Variants in SNTG1 observed in about 807,000 individuals in gnomAD.
The protein encoded by SNTG1 is syntrophin gamma 1.
In SNTG1, 39 loss-of-function variants were observed where a neutral mutation model predicts 74.7. That is an observed-to-expected ratio of 0.52 (90% CI 0.40 to 0.68). The LOEUF is 0.68. Ranked by LOEUF, SNTG1 falls within the 30% of genes least tolerant of loss-of-function variation. The pLI is 0.00. For synonymous variants in SNTG1, 254 were observed against 217.1 expected, an observed-to-expected ratio of 1.17 and a Z score of -1.49; for missense variants, 685 against 609.5, an observed-to-expected ratio of 1.12 and a Z score of -1.30.
intron 17 of SNTG1, among the ~76,000 whole-genome samples, chr8:50,750,724 G>A (rs35417945): frequency 0.21 from 31,559 of 151,738 alleles, 3,398 homozygotes; most frequent in South Asian, 0.31. Context: ...TTTTAATTAA[G>A]GTATATACAT....
chr8:50,649,245 C>T (rs1306639825), intron 13 of SNTG1, among the ~76,000 whole-genome samples: 2 of 152,188 alleles, frequency 1.3e-5, no homozygotes, highest in Non-Finnish European at 2.9e-5. Flanking sequence ...GTTCAGTTCA[C>T]ATGAGAAGTG....
At chr8:50,478,765 C>A (rs1313323101) in intron 8 of SNTG1, among the ~76,000 whole-genome samples, 1 of 152,080 alleles carries the variant, frequency 6.6e-6, no homozygotes, top group Admixed American at 6.6e-5. Context: ...AATGAGAAAG[C>A]AAATGGGTAC....
chr8:50,474,318 C>T (rs958804662), intron 8 of SNTG1, among the ~76,000 whole-genome samples: 1 of 151,582 alleles, frequency 6.6e-6, no homozygotes, highest in Non-Finnish European at 1.5e-5. Flanking sequence ...ATTTTCTCAA[C>T]CTACTCATCT....
At chr8:50,435,232 AAAG>A (rs1380024949) in intron 4 of SNTG1, among the ~76,000 whole-genome samples, 2 of 152,106 alleles carry the variant, frequency 1.3e-5, no homozygotes, top group Non-Finnish European at 2.9e-5. Flanking sequence ...TTGTAACGAA[AAAG>A]AAGATTAAAT....
intron 1 of SNTG1, among the ~76,000 whole-genome samples, chr8:50,076,477 T>C (rs1821903551): frequency 6.6e-6 from 1 of 152,168 alleles, no homozygotes; most frequent in Non-Finnish European, 1.5e-5. Context: ...GAGTGGACTA[T>C]AAAATATGAC....
intron 12 of SNTG1, among the ~76,000 whole-genome samples, chr8:50,574,620 G>T (rs2094566479): frequency 1.3e-5 from 2 of 151,986 alleles, no homozygotes; most frequent in Admixed American, 1.3e-4. Flanking sequence ...GTTCATATGT[G>T]ATCATAAACA....
Position 49,917,532 on chromosome 8 carries a change from G to A in SNTG1, c.-103+5301G>A, listed in dbSNP as rs111483692. On this transcript the variant is annotated intron_variant, in intron 1 of 18. Transcript: ENST00000642720. ...AGTTAATGAGCAAATTGTATACAATGGCTAGTACATTGACCGGGATTTGTT... is the reference window on the plus strand; with the variant it reads ...AGTTAATGAGCAAATTGTATACAATAGCTAGTACATTGACCGGGATTTGTT... Among the ~76,000 whole-genome samples the A allele has an allele frequency of 5.6e-3, 860 of 152,240 alleles. 6 individuals carry two copies. The highest frequency in any genetic ancestry group is 0.015 in the African/African-American group (618 of 41,538).
In SNTG1 at chr8:50,656,942, CA is replaced by C; in HGVS notation, c.885del (p.Asp296ThrfsTer15). The C allele has an allele frequency of 6.2e-7, 1 of 1,604,014 alleles. No individual in the cohort carries two copies. Among genetic ancestry groups the C allele is most frequent in the Non-Finnish European group, 8.5e-7 (1 of 1,174,738 alleles). ...VYMGWCEARE[Q>X]DPLQDRVYSP... is the part of the protein sequence containing the mutation. Reference sequence around the variant, plus strand: ...CATGGGCTGGTGTGAAGCCCGGGAGCAAGACCCCCTCCAGGACAGAGTGTAC... The same window carrying C: ...CATGGGCTGGTGTGAAGCCCGGGAGCAGACCCCCTCCAGGACAGAGTGTAC... On this transcript the variant is annotated frameshift_variant, in exon 14 of 19. Coordinates refer to ENST00000642720, the MANE Select transcript of SNTG1 (RefSeq NM_018967.5). LOFTEE classifies it high-confidence loss of function.
intron 2 of SNTG1, among the ~76,000 whole-genome samples, chr8:50,292,245 TG>T (rs2089152215): frequency 6.6e-6 from 1 of 152,046 alleles, no homozygotes; most frequent in Admixed American, 6.6e-5. Flanking sequence ...TGTTCCAGGT[TG>T]GTGCAACATT....
At chr8:50,746,982 T>C (rs1484498925) in intron 17 of SNTG1, among the ~76,000 whole-genome samples, 2 of 151,122 alleles carry the variant, frequency 1.3e-5, no homozygotes, top group Admixed American at 1.3e-4. Context: ...CAAGTTTACT[T>C]TTTTTTAGTG....
chr8:50,443,636 T>G (rs2093378458), intron 5 of SNTG1, among the ~76,000 whole-genome samples: 1 of 152,188 alleles, frequency 6.6e-6, no homozygotes, highest in South Asian at 2.1e-4. Context: ...GACAATGAGA[T>G]TAAGTGTCAA....
intron 9 of SNTG1, among the ~76,000 whole-genome samples, chr8:50,511,251 T>C (rs1202712718): frequency 1.1e-4 from 17 of 152,332 alleles, no homozygotes; most frequent in Admixed American, 9.8e-4. Context: ...AATCCTGAGT[T>C]CTAGTTTGAT....
intron 1 of SNTG1, among the ~76,000 whole-genome samples, chr8:50,040,354 T>C (rs1352124116): frequency 6.6e-6 from 1 of 152,246 alleles, no homozygotes; most frequent in African/African-American, 2.4e-5. Context: ...CTTTTTGTTA[T>C]AAAACTTATA....
chr8:50,378,544 G>A (rs993958600), intron 2 of SNTG1, among the ~76,000 whole-genome samples: 4 of 152,144 alleles, frequency 2.6e-5, no homozygotes, highest in Non-Finnish European at 5.9e-5. Flanking sequence ...TGGAGGGTGA[G>A]CAAGACAAAG....
Position 50,749,010 on chromosome 8 carries a change from C to T in SNTG1, c.1285-2991C>T, listed in dbSNP as rs77368309. ...TTAAATCAAAATCTAGAAATGATTACGCTTGGTGAGAAAGGCGTGTTGAAA... is the reference window on the plus strand; with the variant it reads ...TTAAATCAAAATCTAGAAATGATTATGCTTGGTGAGAAAGGCGTGTTGAAA... On this transcript the variant is annotated intron_variant, in intron 17 of 18. Coordinates refer to ENST00000642720, the MANE Select transcript of SNTG1 (RefSeq NM_018967.5). Among the ~76,000 whole-genome samples, 1,435 of 152,084 alleles carry T rather than the reference C, an allele frequency of 9.4e-3. 31 individuals are homozygous for T. The highest frequency in any genetic ancestry group is 0.032 in the African/African-American group (1,326 of 41,538).
At chr8:49,956,115 A>T (rs1810135023) in intron 1 of SNTG1, among the ~76,000 whole-genome samples, 1 of 152,232 alleles carries the variant, frequency 6.6e-6, no homozygotes, top group Non-Finnish European at 1.5e-5. Flanking sequence ...CGATACTAAG[A>T]TCATAGGGAT....
At chr8:50,148,092 G>GT in intron 1 of SNTG1, among the ~76,000 whole-genome samples, 1 of 152,152 alleles carries the variant, frequency 6.6e-6, no homozygotes, top group African/African-American at 2.4e-5. Context: ...AAAAATATGC[G>GT]TAACATAGCG....
At position 50,134,596 on chromosome 8, in the gene SNTG1, T is replaced by C. The variant is rs372076462; in HGVS notation, c.-102-37965T>C. On this transcript the variant is annotated intron_variant, in intron 1 of 18. Coordinates refer to ENST00000642720, the MANE Select transcript of SNTG1 (RefSeq NM_018967.5). ...ACAATTTTAAGAATCTTTTCTGTGA[T>C]GACAGGGAAAGATAGAATAGTAATT... is the stretch of plus-strand genomic sequence containing the variant. 1.6e-4 allele frequency among the ~76,000 whole-genome samples: 25 copies of C among 152,252 alleles called. 1 individual carries two copies. The highest frequency in any genetic ancestry group is 5.8e-4 in the African/African-American group (24 of 41,552).
chr8:50,178,559 T>C (rs2083086014), intron 2 of SNTG1, among the ~76,000 whole-genome samples: 1 of 152,192 alleles, frequency 6.6e-6, no homozygotes, highest in South Asian at 2.1e-4. Context: ...ATGAAGCCTC[T>C]TCCTCAGGTC....
Sources: allele counts gnomAD v4.1 joint callset (sites outside exome capture counted in the v4.1 genomes callset), GRCh38; gene constraint gnomAD v4.1.1; transcripts MANE v1.5; gene names NCBI Gene and HGNC (gene_info 2026-07-23, HGNC 2026-07-21).